ULK4: variants seen among roughly 807,000 people sequenced by gnomAD.
ULK4 encodes unc-51 like kinase 4, also known as inactive serine/threonine-protein kinase ULK4.
Under a neutral mutation model 160.6 loss-of-function variants are expected in ULK4, and 133 were observed. The ratio of observed to expected loss-of-function variants is 0.83; its 90% confidence interval spans 0.72 to 0.96. The LOEUF (loss-of-function observed/expected upper bound fraction) is 0.96. Among genes scored for constraint, ULK4 ranks in the 40% least tolerant of loss-of-function variants. The pLI, the probability that ULK4 is intolerant of heterozygous loss-of-function variation, is 0.00. For missense variants in ULK4, 1,580 were observed against 1,499.5 expected, an observed-to-expected ratio of 1.05 and a Z score of -0.89; for synonymous variants, 534 against 539.8, an observed-to-expected ratio of 0.99 and a Z score of 0.15.
rs532112372 is a variant in ULK4 at position 41,681,420 on chromosome 3, A to T, written c.2978+88T>A. 245 of 1,551,804 alleles carry T rather than the reference A, an allele frequency of 1.6e-4. 4 individuals are homozygous for T. The African/African-American group carries it at 3.0e-3, about 19-fold the overall frequency. ...TGTGTATAAACATAAGGACATCAAG[A>T]CCCCAACCCCATCACTGAACCTAGT... On this transcript the variant is annotated intron_variant, in intron 29 of 36. Coordinates refer to ENST00000301831, the MANE Select transcript of ULK4 (RefSeq NM_017886.4).
chr3:41,298,453 A>T (rs973636169), intron 35 of ULK4, among the ~76,000 whole-genome samples: 2 of 152,350 alleles, frequency 1.3e-5, no homozygotes, highest in South Asian at 4.1e-4. Context: ...CTGTTGTTAA[A>T]CTAATAAGTT....
In ULK4 at chr3:41,291,997, T is replaced by C. The variant is rs190930054; in HGVS notation, c.3679-42423A>G. ...AGGCCCCCACCACCATGCCCGGCTATTTTTTTTTGTATTTTTTAGTAGAGA... is the reference window on the plus strand; with the variant it reads ...AGGCCCCCACCACCATGCCCGGCTACTTTTTTTTGTATTTTTTAGTAGAGA... On this transcript the variant is annotated intron_variant, in intron 35 of 36. Transcript: ENST00000301831. Among the ~76,000 whole-genome samples, 163 of 150,526 alleles carry C rather than the reference T, an allele frequency of 1.1e-3. 1 individual carries two copies. Among genetic ancestry groups the C allele is most frequent in the African/African-American group, 3.2e-3 (130 of 41,076 alleles).
intron 19 of ULK4, among the ~76,000 whole-genome samples, chr3:41,804,612 T>G (rs1244543150): frequency 2.0e-5 from 3 of 152,062 alleles, no homozygotes; most frequent in Non-Finnish European, 4.4e-5. Flanking sequence ...TTTTATGGTT[T>G]TAGGTCTAAC....
intron 16 of ULK4, among the ~76,000 whole-genome samples, chr3:41,889,381 T>C (rs749553654): frequency 1.8e-4 from 28 of 152,118 alleles, no homozygotes; most frequent in Non-Finnish European, 1.9e-4. Flanking sequence ...AATATGATTG[T>C]TGAAATTAAA....
intron 32 of ULK4, among the ~76,000 whole-genome samples, chr3:41,464,488 A>G (rs1276830543): frequency 6.6e-6 from 1 of 152,186 alleles, no homozygotes; most frequent in Non-Finnish European, 1.5e-5. Flanking sequence ...ATCAAATGAC[A>G]AGGTCTGATA....
intron 36 of ULK4, 64 bp from the exon 37 acceptor site, chr3:41,247,056 T>C: frequency 2.0e-6 from 3 of 1,514,332 alleles, no homozygotes; most frequent in Non-Finnish European, 2.7e-6. Flanking sequence ...CTCCCCCCTT[T>C]CAAAGGGGCC....
At chr3:41,505,928 A>G (rs1023718355) in intron 32 of ULK4, among the ~76,000 whole-genome samples, 2 of 152,108 alleles carry the variant, frequency 1.3e-5, no homozygotes, top group African/African-American at 4.8e-5. Context: ...ATTAAATATG[A>G]TATTTGCTTT....
chr3:41,330,227 C>T (rs777721297), intron 35 of ULK4, among the ~76,000 whole-genome samples: 3 of 152,136 alleles, frequency 2.0e-5, no homozygotes, highest in African/African-American at 4.8e-5. Context: ...AGCTTCTATT[C>T]GCTTGCCTCC....
intron 35 of ULK4, among the ~76,000 whole-genome samples, chr3:41,317,370 C>T (rs57783139): frequency 0.015 from 2,332 of 152,188 alleles, 61 homozygotes; most frequent in African/African-American, 0.052. Context: ...CCACCGCGCC[C>T]GGCCAATTAC....
intron 35 of ULK4, among the ~76,000 whole-genome samples, chr3:41,297,029 G>A (rs1013636153): frequency 1.3e-5 from 2 of 152,104 alleles, no homozygotes; most frequent in South Asian, 2.1e-4. Flanking sequence ...TCACACTTTC[G>A]CATTCCACAA....
At chr3:41,630,017 A>G (rs1233060081) in intron 30 of ULK4, among the ~76,000 whole-genome samples, 2 of 152,212 alleles carry the variant, frequency 1.3e-5, no homozygotes, top group Non-Finnish European at 1.5e-5. Context: ...CAGTCTGAGT[A>G]GCACTAGCCT....
intron 30 of ULK4, among the ~76,000 whole-genome samples, chr3:41,637,501 A>G (rs544383851): frequency 1.3e-5 from 2 of 152,334 alleles, no homozygotes; most frequent in South Asian, 4.1e-4. Flanking sequence ...TGAAATGAAC[A>G]TGGGAGTGCA....
In ULK4 at chr3:41,331,330, T is replaced by C. The variant is rs544551904; in HGVS notation, c.3678+66749A>G. On this transcript the variant is annotated intron_variant, in intron 35 of 36. Coordinates refer to ENST00000301831, the MANE Select transcript of ULK4 (RefSeq NM_017886.4). Reference sequence around the variant, plus strand: ...GCCAAGTCAGTTCACACTGGGTGTGTACTCTAAGGTTCTCGACAGCTAATC... The same window carrying C: ...GCCAAGTCAGTTCACACTGGGTGTGCACTCTAAGGTTCTCGACAGCTAATC... 3.9e-5 allele frequency among the ~76,000 whole-genome samples: 6 copies of C among 152,316 alleles called. No homozygotes were observed. The South Asian group carries it at 1.2e-3, about 32-fold the overall frequency.
At chr3:41,834,272 A>C (rs2041688256) in intron 18 of ULK4, among the ~76,000 whole-genome samples, 1 of 151,942 alleles carries the variant, frequency 6.6e-6, no homozygotes, top group Non-Finnish European at 1.5e-5. Context: ...AATTGCAACA[A>C]AATTTTTTTA....
At chr3:41,765,384 A>T (rs2039124924) in intron 21 of ULK4, among the ~76,000 whole-genome samples, 1 of 152,116 alleles carries the variant, frequency 6.6e-6, no homozygotes, top group Non-Finnish European at 1.5e-5. Flanking sequence ...CAGGGTGGGG[A>T]ACATCACACA....
rs34804384 is a variant in ULK4 at position 41,564,925 on chromosome 3, C to A, written c.3226+1100G>T. Among the ~76,000 whole-genome samples, 4 of 152,138 alleles carry A rather than the reference C, an allele frequency of 2.6e-5. No individual in the cohort carries two copies. In the East Asian group the frequency reaches 5.8e-4, roughly 22 times the overall value. On this transcript the variant is annotated intron_variant, in intron 32 of 36. Transcript: ENST00000301831. Reference sequence around the variant, plus strand: ...CTTCAAGCTCCATCCATATTAAGTGCCCTATACAGGTGTATCATGTTTTAT... The same window carrying A: ...CTTCAAGCTCCATCCATATTAAGTGACCTATACAGGTGTATCATGTTTTAT...
intron 31 of ULK4, among the ~76,000 whole-genome samples, chr3:41,597,397 C>A (rs966501848): frequency 6.6e-6 from 1 of 152,156 alleles, no homozygotes; most frequent in Non-Finnish European, 1.5e-5. Context: ...GATCAAGACA[C>A]GGCAAATTTT....
intron 8 of ULK4, among the ~76,000 whole-genome samples, chr3:41,913,727 C>T (rs1198922676): frequency 6.6e-6 from 1 of 151,978 alleles, no homozygotes; most frequent in African/African-American, 2.4e-5. Flanking sequence ...TTTTGGGAGG[C>T]CAAGGTGGGT....
At chr3:41,581,851 C>T (rs573885510) in intron 31 of ULK4, among the ~76,000 whole-genome samples, 11 of 152,138 alleles carry the variant, frequency 7.2e-5, no homozygotes, top group Non-Finnish European at 1.5e-4. Context: ...CCAGCAGACT[C>T]GGAGAGGTCA....
Sources: allele counts gnomAD v4.1 joint callset (sites outside exome capture counted in the v4.1 genomes callset), GRCh38; gene constraint gnomAD v4.1.1; transcripts MANE v1.5; gene names NCBI Gene and HGNC (gene_info 2026-07-23, HGNC 2026-07-21).